DSCAML1: variants seen among roughly 807,000 people sequenced by gnomAD.
The protein encoded by DSCAML1 is DS cell adhesion molecule like 1, also known as cell adhesion molecule DSCAML1.
DSCAML1 carries 38 observed loss-of-function variants against 200.5 expected under a neutral mutation model. That is an observed-to-expected ratio of 0.19 (90% CI 0.15 to 0.25). DSCAML1 has a LOEUF of 0.25. Among genes scored for constraint, DSCAML1 ranks in the 10% least tolerant of loss-of-function variants. The pLI is 1.00. For missense variants in DSCAML1, 2,223 were observed against 2,858.8 expected (o/e 0.78, Z 5.07); for synonymous variants, 1,215 against 1,165.0 (o/e 1.04, Z -0.87).
chr11:117,513,115 T>G (rs1316398311), intron 8 of DSCAML1, among the ~76,000 whole-genome samples: 1 of 152,264 alleles, frequency 6.6e-6, no homozygotes, highest in East Asian at 1.9e-4. Context: ...ATGTTTACAC[T>G]TAAACTCTCG....
At chr11:117,471,796 C>T (rs2048691374) in intron 15 of DSCAML1, 73 bp downstream of exon 15, 19 of 1,520,054 alleles carry the variant, frequency 1.2e-5, no homozygotes, top group Non-Finnish European at 1.7e-5. Context: ...TGCCAGTGAA[C>T]AGGATCGCTG....
intron 11 of DSCAML1, among the ~76,000 whole-genome samples, chr11:117,495,620 A>G (rs538882781): frequency 1.6e-4 from 24 of 152,228 alleles, no homozygotes; most frequent in Middle Eastern, 3.4e-3. Context: ...AGCTCTAGGG[A>G]GGATCCTGGC....
chr11:117,664,646 C>T (rs75661998), intron 3 of DSCAML1, among the ~76,000 whole-genome samples: 1 of 152,230 alleles, frequency 6.6e-6, no homozygotes. Flanking sequence ...AATGGACACT[C>T]CACAAAGGGA....
At chr11:117,777,124 C>T (rs930035215) in intron 2 of DSCAML1, among the ~76,000 whole-genome samples, 187 bp from the exon 3 acceptor site, 1 of 152,170 alleles carries the variant, frequency 6.6e-6, no homozygotes, top group African/African-American at 2.4e-5. Context: ...GTCTGGGCAA[C>T]TCCTTCTCCA....
chr11:117,600,022 C>T (rs1840030592), intron 3 of DSCAML1, among the ~76,000 whole-genome samples: 1 of 152,208 alleles, frequency 6.6e-6, no homozygotes, highest in South Asian at 2.1e-4. Flanking sequence ...CTCTGTGCCT[C>T]CCTTTCCTTT....
At chr11:117,470,201 A>G (rs993660521) in intron 15 of DSCAML1, among the ~76,000 whole-genome samples, 3 of 152,206 alleles carry the variant, frequency 2.0e-5, no homozygotes, top group Non-Finnish European at 2.9e-5. Context: ...ATAGCAAACA[A>G]TGATAATAAG....
chr11:117,442,633 GTTTA>G (rs2048092076), intron 21 of DSCAML1, among the ~76,000 whole-genome samples: 2 of 152,134 alleles, frequency 1.3e-5, no homozygotes, highest in African/African-American at 4.8e-5. Flanking sequence ...CTAGGACCGT[GTTTA>G]TTTAATGCCC....
chr11:117,549,920 C>T (rs1445230223), intron 3 of DSCAML1, among the ~76,000 whole-genome samples: 1 of 152,194 alleles, frequency 6.6e-6, no homozygotes, highest in Admixed American at 6.5e-5. Flanking sequence ...GTCCCATCAA[C>T]ATTTGTGTTG....
chr11:117,437,004 C>T lies in DSCAML1; in HGVS notation c.4720+118G>A. The T allele has an allele frequency of 7.2e-7, 1 of 1,381,392 alleles. No individual in the cohort carries two copies. Among genetic ancestry groups the T allele is most frequent in the Non-Finnish European group, 9.7e-7 (1 of 1,031,864 alleles). 85.6% of individuals were successfully genotyped at this position (1,381,392 alleles called of 1,614,324 possible). On this transcript the variant is annotated intron_variant, in intron 26 of 32. Coordinates refer to ENST00000651296, the MANE Select transcript of DSCAML1 (RefSeq NM_020693.4). This position sits in a 1 kb window ranked among gnomAD's most constrained non-coding sequence, Gnocchi z 5.3. ...ACCTGCAGGCCAGCATTTCCCCCAC[C>T]TGCATTCCTGCCTGTTTTTCTATTA...
At chr11:117,677,528 G>T (rs2053236395) in intron 3 of DSCAML1, among the ~76,000 whole-genome samples, 1 of 152,018 alleles carries the variant, frequency 6.6e-6, no homozygotes. Flanking sequence ...GGAGAATGAG[G>T]CATGGGTTCT....
rs980000533 is a variant in DSCAML1 at position 117,438,222 on chromosome 11, T to C, written c.4244-139A>G. On this transcript the variant is annotated intron_variant, in intron 24 of 32. Transcript: ENST00000651296. ...TTTGGTCATTGGAACGGGCATATGC[T>C]CCTTAGAAGCAAAATTGGAAGGATC... 12 of 737,694 alleles carry C rather than the reference T, an allele frequency of 1.6e-5. No individual in the cohort carries two copies. The African/African-American group carries it at 2.1e-4, about 13-fold the overall frequency. The allele number at this position is 737,694 out of a possible 1,614,324, so 45.7% of individuals were successfully genotyped here.
rs1009216393 is a variant in DSCAML1, at chr11:117,486,457, A to G, written c.2360-4295T>C. 2.3e-3 allele frequency among the ~76,000 whole-genome samples: 340 copies of G among 149,248 alleles called. 2 individuals are homozygous for G. The highest frequency in any genetic ancestry group is 9.2e-3 in the South Asian group (43 of 4,660). Reference sequence around the variant, plus strand: ...ATGTGAAAGTGGCAGATATGAAAGTAGCGGATGTGAAAATGGTGGATGTGA... The same window carrying G: ...ATGTGAAAGTGGCAGATATGAAAGTGGCGGATGTGAAAATGGTGGATGTGA... On this transcript the variant is annotated intron_variant, in intron 11 of 32. Coordinates refer to ENST00000651296, the MANE Select transcript of DSCAML1 (RefSeq NM_020693.4).
intron 19 of DSCAML1, among the ~76,000 whole-genome samples, chr11:117,452,487 C>A (rs1006828737): frequency 6.6e-6 from 1 of 152,104 alleles, no homozygotes; most frequent in Non-Finnish European, 1.5e-5. Flanking sequence ...CCTTTCTATA[C>A]CCTTATGTTT....
intron 3 of DSCAML1, among the ~76,000 whole-genome samples, chr11:117,564,709 C>T (rs1276400614): frequency 6.6e-6 from 1 of 150,836 alleles, no homozygotes; most frequent in Non-Finnish European, 1.5e-5. Context: ...TTCCTTTCTT[C>T]CTTCTTTCCT....
chr11:117,777,506 G>A (rs1309271741), intron 2 of DSCAML1, among the ~76,000 whole-genome samples: 2 of 152,194 alleles, frequency 1.3e-5, no homozygotes, highest in African/African-American at 4.8e-5. Flanking sequence ...GGGAAATGTA[G>A]TTCAGATCCT....
chr11:117,730,996 G>C (rs1244580245), intron 3 of DSCAML1, among the ~76,000 whole-genome samples: 1 of 152,188 alleles, frequency 6.6e-6, no homozygotes, highest in African/African-American at 2.4e-5. Context: ...GTCAGGGAAA[G>C]GGATGGGGGA....
chr11:117,676,765 G>C (rs566177365), intron 3 of DSCAML1, among the ~76,000 whole-genome samples: 1 of 152,254 alleles, frequency 6.6e-6, no homozygotes, highest in Non-Finnish European at 1.5e-5. Flanking sequence ...TCTGCTACCC[G>C]ATGGGACGGC....
chr11:117,561,817 A>G (rs888439376), intron 3 of DSCAML1, among the ~76,000 whole-genome samples: 2 of 152,202 alleles, frequency 1.3e-5, no homozygotes, highest in Middle Eastern at 3.2e-3. Context: ...CCACTTATGT[A>G]TTCATCTCCC....
chr11:117,545,075 CA>C (rs1459937134), intron 3 of DSCAML1, among the ~76,000 whole-genome samples: 4 of 151,862 alleles, frequency 2.6e-5, no homozygotes, highest in African/African-American at 4.8e-5. Flanking sequence ...ACTAAAAATA[CA>C]AAAACTAGCT....
Sources: gnomAD v4.1 joint callset for allele counts (sites outside exome capture counted in the v4.1 genomes callset) on GRCh38, gnomAD v4.1.1 for gene constraint, Gnocchi (gnomAD v3.1) non-coding constraint, MANE v1.5 for transcripts, NCBI Gene and HGNC (gene_info 2026-07-23, HGNC 2026-07-21) for gene names.